Variants in FRAS1 observed in about 807,000 individuals in gnomAD.
The protein encoded by FRAS1 is Fraser extracellular matrix complex subunit 1.
FRAS1 carries 290 observed loss-of-function variants against 435.2 expected under a neutral mutation model. That is an observed-to-expected ratio of 0.67 (90% CI 0.61 to 0.73). FRAS1 has a LOEUF of 0.73. FRAS1 is among the 30% of genes least tolerant of loss of function. The pLI is 0.00. For missense variants in FRAS1, 4,860 were observed against 5,001.5 expected (o/e 0.97, Z 0.85); for synonymous variants, 1,800 against 1,851.0 (o/e 0.97, Z 0.71).
intron 2 of FRAS1, among the ~76,000 whole-genome samples, chr4:78,162,865 G>A (rs577771125): frequency 1.3e-5 from 2 of 152,296 alleles, no homozygotes; most frequent in African/African-American, 2.4e-5. Context: ...AAACCATCCT[G>A]TACTGGGGAA....
chr4:78,522,510 G>C (rs1035757818), intron 68 of FRAS1, 139 bp from the exon 69 acceptor site: 43 of 714,020 alleles, frequency 6.0e-5, no homozygotes, highest in Non-Finnish European at 5.3e-5. Context: ...ATATTCTAAG[G>C]GGCAAAATGG....
chr4:78,338,159 T>C, intron 20 of FRAS1: 1 of 196,932 alleles, frequency 5.1e-6, no homozygotes, highest in Non-Finnish European at 1.0e-5. Flanking sequence ...TTCCTTTCTC[T>C]TGTCTGCATT....
intron 63 of FRAS1, among the ~76,000 whole-genome samples, chr4:78,509,967 G>A (rs1720979196): frequency 6.6e-6 from 1 of 152,202 alleles, no homozygotes; most frequent in African/African-American, 2.4e-5. Context: ...ATGAATAGCA[G>A]AGGAAAACCA....
At chr4:78,120,524 C>G (rs999134570) in intron 2 of FRAS1, among the ~76,000 whole-genome samples, 3 of 152,192 alleles carry the variant, frequency 2.0e-5, no homozygotes, top group African/African-American at 4.8e-5. Flanking sequence ...GGAGAAGCCC[C>G]TCTTAGCTCT....
intron 54 of FRAS1, among the ~76,000 whole-genome samples, chr4:78,476,021 G>A (rs554342743): frequency 6.6e-6 from 1 of 152,280 alleles, no homozygotes; most frequent in South Asian, 2.1e-4. Flanking sequence ...CTTGGGCTTC[G>A]ATTATGAAGT....
chr4:78,087,067 C>G (rs1049723049), intron 2 of FRAS1, among the ~76,000 whole-genome samples: 3 of 152,072 alleles, frequency 2.0e-5, no homozygotes, highest in East Asian at 1.9e-4. Flanking sequence ...ATCAAAAAGC[C>G]TATCCACCAT....
At chr4:78,378,531 TC>T (rs1731875559) in intron 26 of FRAS1, among the ~76,000 whole-genome samples, 1 of 152,124 alleles carries the variant, frequency 6.6e-6, no homozygotes, top group Non-Finnish European at 1.5e-5. Context: ...CATTTTACAC[TC>T]CCATCAGTAA....
At chr4:78,431,349 C>G (rs1336802542) in intron 37 of FRAS1, among the ~76,000 whole-genome samples, 2 of 152,174 alleles carry the variant, frequency 1.3e-5, no homozygotes, top group African/African-American at 4.8e-5. Flanking sequence ...ATTTCTTTAA[C>G]ATTGCATTTA....
rs1284883010 is a variant in FRAS1, at chr4:78,335,931, G to GA, written c.2279-1735dup. Among the ~76,000 whole-genome samples, 7 of 147,388 alleles carry GA rather than the reference G, an allele frequency of 4.7e-5. 1 individual carries two copies. The highest frequency in any genetic ancestry group is 2.0e-4 in the East Asian group (1 of 5,090). On this transcript the variant is annotated intron_variant, in intron 19 of 73. Transcript: ENST00000512123. The stretch of plus-strand genomic sequence containing the variant: ...TTTTTTTTTTTTTTGGTATATACAG[G>GA]AAAAAAAACATTCTATCATGATTTC...
rs887992373 is a variant in FRAS1 at position 78,464,252 on chromosome 4, G to C, written c.6888+107G>C. The C allele has an allele frequency of 2.8e-6, 4 of 1,440,268 alleles. No individual in the cohort carries two copies. In the African/African-American group the frequency reaches 4.3e-5, roughly 15 times the overall value. The allele number at this position is 1,440,268 out of a possible 1,614,324, so 89.2% of individuals were successfully genotyped here. On this transcript the variant is annotated intron_variant, in intron 48 of 73. Coordinates refer to ENST00000512123, the MANE Select transcript of FRAS1 (RefSeq NM_025074.7). ...TGAGAGAAGAGCTTCATTTTCCTCT[G>C]CTCTCAGTCAAGGGGTAGGGGCAGC...
intron 30 of FRAS1, among the ~76,000 whole-genome samples, chr4:78,402,587 C>G (rs1488526089): frequency 6.6e-6 from 1 of 152,082 alleles, no homozygotes; most frequent in Non-Finnish European, 1.5e-5. Context: ...CTTGAATACC[C>G]TTATCCTCCC....
intron 12 of FRAS1, among the ~76,000 whole-genome samples, chr4:78,283,808 A>T (rs1354581392): frequency 6.6e-6 from 1 of 152,180 alleles, no homozygotes; most frequent in East Asian, 1.9e-4. Flanking sequence ...TTAGCATATT[A>T]TTATGCACTA....
rs538939343 is a variant in FRAS1 at position 78,301,440 on chromosome 4, G to A, written c.1535-6626G>A. 6.6e-5 allele frequency among the ~76,000 whole-genome samples: 10 copies of A among 152,204 alleles called. No homozygotes were observed. The South Asian group carries it at 1.7e-3, about 25-fold the overall frequency. ...TAAAATCTTAAAGGAGCAAGTTATA[G>A]TAAGAAATTCAAGGTATAAGAGAAA... is the stretch of plus-strand genomic sequence containing the variant. On this transcript the variant is annotated intron_variant, in intron 14 of 73. Transcript: ENST00000512123.
chr4:78,068,854 T>C (rs1740190154), intron 2 of FRAS1, among the ~76,000 whole-genome samples: 1 of 152,224 alleles, frequency 6.6e-6, no homozygotes, highest in East Asian at 1.9e-4. Context: ...TGGTAGATGA[T>C]GCATTGTGGA....
chr4:78,437,655 C>G (rs1365541984), intron 38 of FRAS1, among the ~76,000 whole-genome samples: 1 of 152,180 alleles, frequency 6.6e-6, no homozygotes, highest in Non-Finnish European at 1.5e-5. Context: ...TGTACCTCAA[C>G]TAACTGTACA....
chr4:78,487,089 G>A (rs987932444), intron 58 of FRAS1, among the ~76,000 whole-genome samples: 2 of 152,026 alleles, frequency 1.3e-5, no homozygotes, highest in Non-Finnish European at 2.9e-5. Context: ...TTTTTCCCTG[G>A]CAACAAGCTT....
At chr4:78,402,988 C>G (rs1027478530) in intron 30 of FRAS1, among the ~76,000 whole-genome samples, 1 of 152,164 alleles carries the variant, frequency 6.6e-6, no homozygotes, top group African/African-American at 2.4e-5. Context: ...GTGATGTTAA[C>G]TTTGATCACT....
intron 2 of FRAS1, among the ~76,000 whole-genome samples, chr4:78,114,741 G>A (rs187276356): frequency 2.2e-3 from 332 of 152,322 alleles, no homozygotes; most frequent in Non-Finnish European, 3.4e-3. Context: ...GATACGATGG[G>A]GTTTTCTAGA....
chr4:78,526,743 A>G (rs902858813), intron 70 of FRAS1, 86 bp downstream of exon 70: 3 of 803,304 alleles, frequency 3.7e-6, no homozygotes, highest in East Asian at 3.1e-5. Context: ...GTAACCCCCA[A>G]ATCAACATGG....
Sources: gnomAD v4.1 joint callset for allele counts (sites outside exome capture counted in the v4.1 genomes callset) on GRCh38, gnomAD v4.1.1 for gene constraint, MANE v1.5 for transcripts, NCBI Gene and HGNC (gene_info 2026-07-23, HGNC 2026-07-21) for gene names.